Variants in EDAR observed in about 807,000 individuals in gnomAD.
EDAR encodes the protein tumor necrosis factor receptor superfamily member EDAR.
EDAR carries 38 observed loss-of-function variants against 51.3 expected under a neutral mutation model. That is an observed-to-expected ratio of 0.74 (90% CI 0.57 to 0.97). The LOEUF is 0.97. EDAR is among the 50% of genes least tolerant of loss of function. The pLI is 0.00. For synonymous variants in EDAR, 227 were observed against 242.1 expected, an observed-to-expected ratio of 0.94 and a Z score of 0.58; for missense variants, 528 against 595.0, an observed-to-expected ratio of 0.89 and a Z score of 1.17.
chr2:108,939,002 A>G (rs576920153), intron 1 of EDAR, among the ~76,000 whole-genome samples: 23 of 151,870 alleles, frequency 1.5e-4, no homozygotes, highest in Middle Eastern at 3.4e-3. Flanking sequence ...CTGGTCTCGA[A>G]CTCCTGACCT....
At chr2:108,987,117 A>T (rs1293416636) in intron 1 of EDAR, among the ~76,000 whole-genome samples, 1 of 152,212 alleles carries the variant, frequency 6.6e-6, no homozygotes, top group Non-Finnish European at 1.5e-5. Flanking sequence ...CTGTCTGCCA[A>T]ACACCATCCT....
At chr2:108,917,215 G>T (rs989136360) in intron 5 of EDAR, among the ~76,000 whole-genome samples, 1 of 152,180 alleles carries the variant, frequency 6.6e-6, no homozygotes, top group African/African-American at 2.4e-5. Context: ...TAAAAGCAAC[G>T]CGCGGCTCGT....
At chr2:108,985,123 A>G (rs1242773459) in intron 1 of EDAR, among the ~76,000 whole-genome samples, 2 of 151,896 alleles carry the variant, frequency 1.3e-5, no homozygotes, top group Non-Finnish European at 2.9e-5. Context: ...ACTCTTTTTT[A>G]TTTTCAGGAG....
rs531221696 is a variant in EDAR, at chr2:108,906,506, C to T, written c.964-138G>A. The T allele has an allele frequency of 3.3e-5, 29 of 880,820 alleles. No individual in the cohort carries two copies. In the African/African-American group the frequency reaches 4.1e-4, roughly 13 times the overall value. The allele number at this position is 880,820 out of a possible 1,614,324, so 54.6% of individuals were successfully genotyped here. On this transcript the variant is annotated intron_variant, in intron 10 of 11. Transcript: ENST00000258443. ...TGCACACAGCCCCCGTGTCAGCAGC[C>T]CAGCCCTGACACACAGGGAGGAGGG... is the stretch of plus-strand genomic sequence containing the variant.
intron 1 of EDAR, among the ~76,000 whole-genome samples, chr2:108,964,319 G>A (rs1355587706): frequency 6.6e-6 from 1 of 152,072 alleles, no homozygotes; most frequent in Admixed American, 6.5e-5. Flanking sequence ...CCCCTGCCAG[G>A]TCATCTGGAC....
chr2:108,923,279 G>A (rs1188531200), intron 5 of EDAR, 89 bp downstream of exon 5: 1 of 1,264,440 alleles, frequency 7.9e-7, no homozygotes, highest in East Asian at 2.3e-5. Flanking sequence ...TTGTCCAGGT[G>A]CCAGGACCGG....
At position 108,929,271 on chromosome 2, in the gene EDAR, C is replaced by G; in HGVS notation, c.283G>C (p.Gly95Arg). Reference sequence around the variant, plus strand: ...GTCAGCACGGTGGCCCGGAAGAAGCCCTCACAGTCTTTGTGACGCCTGCAT... The same window carrying G: ...GTCAGCACGGTGGCCCGGAAGAAGCGCTCACAGTCTTTGTGACGCCTGCAT... ...QICRRHKDCE[G>R]FFRATVLTPG... Residue 95 changes from glycine (G) to arginine (R), a missense_variant, in exon 4 of 12, where the codon GGC becomes CGC. Coordinates refer to ENST00000258443, the MANE Select transcript of EDAR (RefSeq NM_022336.4). 1 of 1,614,176 alleles carries G rather than the reference C, an allele frequency of 6.2e-7. No homozygotes were observed. Among genetic ancestry groups the G allele is most frequent in the Non-Finnish European group, 8.5e-7 (1 of 1,180,036 alleles).
chr2:108,941,136 G>A (rs913622998), intron 1 of EDAR, among the ~76,000 whole-genome samples: 3 of 152,184 alleles, frequency 2.0e-5, no homozygotes, highest in African/African-American at 7.2e-5. Context: ...TATAATACCT[G>A]TGATGCGTCT....
In EDAR at chr2:108,894,631, T is replaced by TCTC. The variant is rs1232148564; in HGVS notation, c.*2273_*2275dup. ...TTAAAGTATTGCAGAATTATGAATA[T>TCTC]CTCCACACAAAAATGGCAGGATGGA... is the stretch of plus-strand genomic sequence containing the variant. On this transcript the variant is annotated 3_prime_UTR_variant, in exon 12 of 12. Coordinates refer to ENST00000258443, the MANE Select transcript of EDAR (RefSeq NM_022336.4). 6.6e-6 allele frequency: 1 copy of TCTC among 152,604 alleles called. No individual in the cohort carries two copies. Among genetic ancestry groups the TCTC allele is most frequent in the African/African-American group, 2.4e-5 (1 of 41,436 alleles). 9.5% of individuals were successfully genotyped at this position (152,604 alleles called of 1,614,324 possible).
intron 1 of EDAR, among the ~76,000 whole-genome samples, chr2:108,955,846 GA>G (rs1475705965): frequency 1.3e-5 from 2 of 152,118 alleles, no homozygotes; most frequent in East Asian, 3.8e-4. Context: ...CTAACACGGC[GA>G]AATACTGTCT....
chr2:108,980,102 G>C (rs1352192466), intron 1 of EDAR, among the ~76,000 whole-genome samples: 2 of 151,012 alleles, frequency 1.3e-5, no homozygotes, highest in African/African-American at 4.9e-5. Flanking sequence ...GTGTGGGGTG[G>C]GGTGGGGTGG....
At chr2:108,913,353 G>A (rs1424434797) in intron 5 of EDAR, among the ~76,000 whole-genome samples, 2 of 152,254 alleles carry the variant, frequency 1.3e-5, no homozygotes, top group South Asian at 2.1e-4. Context: ...TTTCCTATGC[G>A]TGGAGACAAA....
At chr2:108,962,122 A>T (rs1698058337) in intron 1 of EDAR, among the ~76,000 whole-genome samples, 1 of 152,196 alleles carries the variant, frequency 6.6e-6, no homozygotes, top group East Asian at 1.9e-4. Context: ...GAACTCTGGT[A>T]GGGTAGCATG....
intron 4 of EDAR, among the ~76,000 whole-genome samples, chr2:108,926,705 G>T (rs1697263165): frequency 1.3e-5 from 2 of 152,226 alleles, no homozygotes; most frequent in Admixed American, 6.5e-5. Context: ...CTCGGGTGCT[G>T]CTCATTGTTC....
intron 11 of EDAR, among the ~76,000 whole-genome samples, chr2:108,905,791 C>G (rs141001313): frequency 6.6e-6 from 1 of 152,292 alleles, no homozygotes; most frequent in East Asian, 1.9e-4. Context: ...CCTGTTGCCT[C>G]TTAACCTGCC....
At chr2:108,964,037 A>G (rs766447466) in intron 1 of EDAR, among the ~76,000 whole-genome samples, 1 of 152,194 alleles carries the variant, frequency 6.6e-6, no homozygotes, top group Non-Finnish European at 1.5e-5. Flanking sequence ...CTGAGCCTGA[A>G]CTGTGGCCAC....
At chr2:108,933,056 C>T (rs749202253) in intron 1 of EDAR, among the ~76,000 whole-genome samples, 6 of 152,306 alleles carry the variant, frequency 3.9e-5, no homozygotes, top group South Asian at 2.1e-4. Flanking sequence ...AACAAATAAA[C>T]ACCCACAAAA....
At chr2:108,921,967 G>C (rs949661654) in intron 5 of EDAR, among the ~76,000 whole-genome samples, 1 of 152,370 alleles carries the variant, frequency 6.6e-6, no homozygotes, top group South Asian at 2.1e-4. Context: ...GGCAAGGGCT[G>C]GGGGTGGGAG....
intron 5 of EDAR, among the ~76,000 whole-genome samples, chr2:108,919,470 T>C (rs922162745): frequency 6.6e-6 from 1 of 152,192 alleles, no homozygotes; most frequent in Non-Finnish European, 1.5e-5. Context: ...GTGATTCTCC[T>C]GCCTCAGCCT....
Sources: gnomAD v4.1 joint callset for allele counts (sites outside exome capture counted in the v4.1 genomes callset) on GRCh38, gnomAD v4.1.1 for gene constraint, MANE v1.5 for transcripts, NCBI Gene and HGNC (gene_info 2026-07-23, HGNC 2026-07-21) for gene names.